The following FAM174C variants were observed in gnomAD, a reference collection of about 807,000 sequenced individuals.
FAM174C encodes family with sequence similarity 174 member C.
FAM174C carries 19 observed loss-of-function variants against 12.3 expected under a neutral mutation model. That is an observed-to-expected ratio of 1.55 (90% CI 1.08 to 2.27). The LOEUF is 2.27. Among genes scored for constraint, FAM174C ranks in the 30% most tolerant of loss-of-function variants. FAM174C has a pLI of 0.00. For missense variants in FAM174C, 239 were observed against 190.2 expected (o/e 1.26, Z -1.51); for synonymous variants, 147 against 103.5 (o/e 1.42, Z -2.55).
Position 1,275,613 on chromosome 19 carries a change from CTGCCGTGCGG to C in FAM174C, c.70_79del (p.Cys24LysfsTer19). 7.9e-7 allele frequency: 1 copy of C among 1,266,284 alleles called. No individual in the cohort carries two copies. The highest frequency in any genetic ancestry group is 9.9e-7 in the Non-Finnish European group (1 of 1,009,344). The allele number at this position is 1,266,284 out of a possible 1,614,324, so 78.4% of individuals were successfully genotyped here. ...CCTGCTGGCGCTGCTGCTGGCGGCG[CTGCCGTGCGG>C]TGCCGAAGAGGCCTCGCCGCTGCGC... On this transcript the variant is annotated frameshift_variant, in exon 1 of 3. Coordinates refer to ENST00000409293, the MANE Select transcript of FAM174C (RefSeq NM_017914.4). LOFTEE classifies it high-confidence loss of function.
intron 1 of FAM174C, chr19:1,276,387 G>A (rs1008295866): frequency 6.4e-6 from 1 of 155,214 alleles, no homozygotes; most frequent in Admixed American, 6.4e-5. Flanking sequence ...GCAGCCCCTG[G>A]GCAGGAGGGG....
chr19:1,276,074 A>T (rs1216405665), intron 1 of FAM174C: 7 of 513,836 alleles, frequency 1.4e-5, no homozygotes, highest in Non-Finnish European at 2.4e-5. Flanking sequence ...GCCGCCTCTT[A>T]ACTCGGGGGT....
Position 1,275,904 on chromosome 19 carries a change from G to A in FAM174C, c.281+74G>A, listed in dbSNP as rs1235677036. On this transcript the variant is annotated intron_variant, in intron 1 of 2. Transcript: ENST00000409293. ...GCGCGCCTAGTGCGTCACGTGCCGG[G>A]CCGCGGGGTCCTCCCCTCCCTCCCT... 30 of 1,381,942 alleles carry A rather than the reference G, an allele frequency of 2.2e-5. No homozygotes were observed. The African/African-American group carries it at 3.1e-4, about 14-fold the overall frequency. 85.6% of individuals were successfully genotyped at this position (1,381,942 alleles called of 1,614,324 possible).
At chr19:1,275,929 TCCCTCCCTCC>T in intron 1 of FAM174C, 99 bp downstream of exon 1, 2 of 875,610 alleles carry the variant, frequency 2.3e-6, no homozygotes, top group Non-Finnish European at 3.3e-6. Context: ...CCTCCCTCCC[TCCCTCCCTCC>T]CTCTCTCCCT....
chr19:1,276,861 T>G (rs958729151), intron 1 of FAM174C: 1 of 184,288 alleles, frequency 5.4e-6, no homozygotes, highest in Non-Finnish European at 1.1e-5. Context: ...CATTCTGTTG[T>G]CTTTGGCAAA....
Position 1,277,262 on chromosome 19 carries a change from G to T in FAM174C, c.361G>T (p.Asp121Tyr). 1 of 1,549,322 alleles carries T rather than the reference G, an allele frequency of 6.5e-7. No individual in the cohort carries two copies. Among genetic ancestry groups the T allele is most frequent in the Non-Finnish European group, 8.7e-7 (1 of 1,145,570 alleles). ...DPTEMASLDS[D>Y]EETVFESRNL... is the part of the protein sequence containing the mutation. Reference sequence around the variant, plus strand: ...CACGGAGATGGCCTCGCTGGACAGCGACGAGGAGACGGTGTTTGAGTCCCG... The same window carrying T: ...CACGGAGATGGCCTCGCTGGACAGCTACGAGGAGACGGTGTTTGAGTCCCG... The change falls in exon 2 of 3, where the codon GAC (aspartate) becomes TAC (tyrosine). Residue 121 changes from aspartate (D) to tyrosine (Y), a missense_variant. Coordinates refer to ENST00000409293, the MANE Select transcript of FAM174C (RefSeq NM_017914.4).
At chr19:1,278,600 G>C (rs571439582) in intron 2 of FAM174C, among the ~76,000 whole-genome samples, 177 bp from the exon 3 acceptor site, 1 of 88,632 alleles carries the variant, frequency 1.1e-5, no homozygotes, top group Non-Finnish European at 2.4e-5. Context: ...TTCCCCCGGA[G>C]TGGGCAGTTG....
intron 1 of FAM174C, chr19:1,276,134 C>T: frequency 2.2e-6 from 1 of 446,530 alleles, no homozygotes; most frequent in Non-Finnish European, 4.0e-6. Flanking sequence ...GCATGCCGGG[C>T]AGGGGTCAGG....
rs971500547 is a variant in FAM174C at position 1,275,646 on chromosome 19, C to T, written c.97C>T (p.Arg33Cys). Residue 33 changes from arginine (R) to cysteine (C), a missense_variant, in exon 1 of 3, where the codon CGC becomes TGC. Coordinates refer to ENST00000409293, the MANE Select transcript of FAM174C (RefSeq NM_017914.4). ...CGGTGCCGAAGAGGCCTCGCCGCTG[C>T]GCCCCGCGCAGGTCACGTTGTCGCC... is the stretch of plus-strand genomic sequence containing the variant. ...PCGAEEASPL[R>C]PAQVTLSPPP... 3.6e-6 allele frequency: 5 copies of T among 1,390,012 alleles called. No individual in the cohort carries two copies. The African/African-American group carries it at 4.6e-5, about 13-fold the overall frequency. 86.1% of individuals were successfully genotyped at this position (1,390,012 alleles called of 1,614,324 possible). A position where few individuals can be genotyped will look rare whatever the true frequency, so the allele number is the denominator to read the frequency against.
Position 1,278,859 on chromosome 19 carries a change from C to G in FAM174C, c.*82C>G, listed in dbSNP as rs774940220. ...GCCCACCCCAGTGCCCAGCAACCCC[C>G]TGCTCCACCGCTCATTCCCCTGCTG... On this transcript the variant is annotated 3_prime_UTR_variant, in exon 3 of 3. Transcript: ENST00000409293. 3 of 1,613,018 alleles carry G rather than the reference C, an allele frequency of 1.9e-6. No homozygotes were observed. The highest frequency in any genetic ancestry group is 1.7e-4 in the Middle Eastern group (1 of 6,060).
rs1039028174 is a variant in FAM174C, at chr19:1,275,734, C to T, written c.185C>T (p.Pro62Leu). The change falls in exon 1 of 3, where the codon CCG (proline) becomes CTG (leucine). Residue 62 changes from proline to leucine, a missense_variant. Transcript: ENST00000409293. ...CCACACAACAGCACGCACACGCGTC[C>T]GCCGGGGGCGTCGGGCTCGGCGCTG... Reference protein sequence around the residue: ...GAPHNSTHTRPPGASGSALTR... With the variant: ...GAPHNSTHTRLPGASGSALTR... 2 of 1,534,086 alleles carry T rather than the reference C, an allele frequency of 1.3e-6. No homozygotes were observed. The highest frequency in any genetic ancestry group is 1.7e-6 in the Non-Finnish European group (2 of 1,144,268).
In FAM174C at chr19:1,275,638, C is replaced by T. The variant is rs2144596140; in HGVS notation, c.89C>T (p.Ser30Leu). 7.3e-7 allele frequency: 1 copy of T among 1,379,012 alleles called. No homozygotes were observed. 85.4% of individuals were successfully genotyped at this position (1,379,012 alleles called of 1,614,324 possible). Residue 30 changes from serine to leucine, a missense_variant, in exon 1 of 3, where the codon TCG (serine) becomes TTG (leucine). By Grantham distance (145) the Ser-to-Leu change is moderately radical (BLOSUM62 -2). Coordinates refer to ENST00000409293, the MANE Select transcript of FAM174C (RefSeq NM_017914.4). ...AALPCGAEEA[S>L]PLRPAQVTLS... The stretch of plus-strand genomic sequence containing the variant: ...CTGCCGTGCGGTGCCGAAGAGGCCT[C>T]GCCGCTGCGCCCCGCGCAGGTCACG...
rs747992824 is a variant in FAM174C, at chr19:1,275,759, G to C, written c.210G>C (p.Leu70=). The C allele has an allele frequency of 1.3e-6, 2 of 1,539,044 alleles. No individual in the cohort carries two copies. The highest frequency in any genetic ancestry group is 1.7e-6 in the Non-Finnish European group (2 of 1,145,934). Reference sequence around the variant, plus strand: ...CGCCGGGGGCGTCGGGCTCGGCGCTGACGCGCTCCTTCTACGTGATCCTGG... The same window carrying C: ...CGCCGGGGGCGTCGGGCTCGGCGCTCACGCGCTCCTTCTACGTGATCCTGG... ...TRPPGASGSA[L]TRSFYVILGF... Residue 70 remains leucine, a synonymous_variant, in exon 1 of 3, where the codon CTG becomes CTC. Transcript: ENST00000409293.
intron 2 of FAM174C, 34 bp from the exon 3 acceptor site, chr19:1,278,743 T>C: frequency 6.2e-7 from 1 of 1,610,712 alleles, no homozygotes; most frequent in Non-Finnish European, 8.5e-7. Context: ...GGCCCTTCAC[T>C]CCTTCCCTCT....
At chr19:1,277,331 G>A (rs755831014) in intron 2 of FAM174C, 32 bp downstream of exon 2, 2 of 1,527,846 alleles carry the variant, frequency 1.3e-6, no homozygotes, top group South Asian at 1.2e-5. Context: ...TGGGGCCTCG[G>A]TGGGCAGGCT....
At chr19:1,278,604 G>C (rs1434387648) in intron 2 of FAM174C, among the ~76,000 whole-genome samples, 173 bp from the exon 3 acceptor site, 2 of 76,998 alleles carry the variant, frequency 2.6e-5, no homozygotes, top group Non-Finnish European at 5.7e-5. Context: ...CCCGGAGTGG[G>C]CAGTTGCACA....
chr19:1,278,086 T>C (rs748101541), intron 2 of FAM174C, among the ~76,000 whole-genome samples: 2 of 55,032 alleles, frequency 3.6e-5, no homozygotes, highest in Non-Finnish European at 7.3e-5. Context: ...TCTTGCTTTT[T>C]TAAGGCAGGA....
rs550987107 is a variant in FAM174C, at chr19:1,275,728, C to T, written c.179C>T (p.Thr60Met). The change falls in exon 1 of 3, where the codon ACG becomes ATG. Residue 60 changes from threonine (T) to methionine (M), a missense_variant. Physicochemically the swap from Thr to Met is moderately conservative, Grantham distance 81 (BLOSUM62 -1). Coordinates refer to ENST00000409293, the MANE Select transcript of FAM174C (RefSeq NM_017914.4). Reference sequence around the variant, plus strand: ...GGCGCGCCACACAACAGCACGCACACGCGTCCGCCGGGGGCGTCGGGCTCG... The same window carrying T: ...GGCGCGCCACACAACAGCACGCACATGCGTCCGCCGGGGGCGTCGGGCTCG... ...QPGAPHNSTH[T>M]RPPGASGSAL... The T allele has an allele frequency of 6.5e-7, 1 of 1,533,364 alleles. No homozygotes were observed. Among genetic ancestry groups the T allele is most frequent in the Non-Finnish European group, 8.7e-7 (1 of 1,144,088 alleles). 95.0% of individuals were successfully genotyped at this position (1,533,364 alleles called of 1,614,324 possible).
In FAM174C at chr19:1,279,117, G is replaced by T. The variant is rs142162512; in HGVS notation, c.*340G>T. On this transcript the variant is annotated 3_prime_UTR_variant, in exon 3 of 3. Coordinates refer to ENST00000409293, the MANE Select transcript of FAM174C (RefSeq NM_017914.4). ...TGACTTGTGCCTCTCTCCTGCCCCC[G>T]TGGGGACATGGCAGCCCAGAGCCAA... The T allele has an allele frequency of 6.2e-7, 1 of 1,612,834 alleles. No homozygotes were observed. Among genetic ancestry groups the T allele is most frequent in the African/African-American group, 1.3e-5 (1 of 74,938 alleles).
Sources: allele counts gnomAD v4.1 joint callset (sites outside exome capture counted in the v4.1 genomes callset), GRCh38; gene constraint gnomAD v4.1.1; transcripts MANE v1.5; gene names NCBI Gene and HGNC (gene_info 2026-07-23, HGNC 2026-07-21).